Variants in EYS observed in about 807,000 individuals in gnomAD.
The protein encoded by EYS is EGF-like photoreceptor maintenance factor.
Under a neutral mutation model 282.1 loss-of-function variants are expected in EYS, and 250 were observed. The ratio of observed to expected loss-of-function variants is 0.89; its 90% CI spans 0.80 to 0.98. The LOEUF is 0.98. Ranked by LOEUF, EYS falls within the 50% of genes least tolerant of loss-of-function variation. The probability of loss-of-function intolerance (pLI) is 0.00; values close to 1 mark genes in which losing one functional copy is unlikely to be tolerated. For missense variants in EYS, 4,016 were observed against 3,709.0 expected, an observed-to-expected ratio of 1.08 and a Z score of -2.15; for synonymous variants, 1,355 against 1,282.9, an observed-to-expected ratio of 1.06 and a Z score of -1.20.
At chr6:64,125,184 C>G (rs530973053) in intron 31 of EYS, among the ~76,000 whole-genome samples, 3 of 151,966 alleles carry the variant, frequency 2.0e-5, no homozygotes, top group Non-Finnish European at 2.9e-5. Flanking sequence ...CTCGCTCTCT[C>G]TCTCTCTCAA....
intron 30 of EYS, among the ~76,000 whole-genome samples, chr6:64,260,829 T>A (rs1387577401): frequency 6.6e-6 from 1 of 152,052 alleles, no homozygotes; most frequent in African/African-American, 2.4e-5. Flanking sequence ...TTTTAATTTT[T>A]AAAAAATTTT....
chr6:64,408,655 T>G (rs1383236538), intron 28 of EYS, among the ~76,000 whole-genome samples: 1 of 152,236 alleles, frequency 6.6e-6, no homozygotes, highest in African/African-American at 2.4e-5. Flanking sequence ...AATGTATTCA[T>G]TCTCCTGTGA....
chr6:63,841,898 TG>T (rs1179767127), intron 36 of EYS, among the ~76,000 whole-genome samples: 1 of 152,250 alleles, frequency 6.6e-6, no homozygotes. Context: ...CTGAGAATGA[TG>T]GCTTCCAGCT....
chr6:65,507,396 ATT>A (rs1388103588), intron 2 of EYS, among the ~76,000 whole-genome samples: 3 of 151,814 alleles, frequency 2.0e-5, no homozygotes, highest in African/African-American at 7.3e-5. Context: ...GCCTAGAGAA[ATT>A]TTTTTGTTTT....
intron 16 of EYS, among the ~76,000 whole-genome samples, chr6:64,903,053 A>G (rs190494220): frequency 1.3e-5 from 2 of 152,246 alleles, no homozygotes; most frequent in Admixed American, 1.3e-4. Context: ...ACAGGCTGAT[A>G]AACAAGACAG....
intron 22 of EYS, among the ~76,000 whole-genome samples, chr6:64,687,204 C>T (rs1036709178): frequency 3.3e-5 from 5 of 151,784 alleles, no homozygotes; most frequent in Admixed American, 6.6e-5. Flanking sequence ...GCCAAAGTAA[C>T]TCTGATACTG....
chr6:65,033,530 T>C (rs979702286), intron 13 of EYS, among the ~76,000 whole-genome samples: 1 of 152,086 alleles, frequency 6.6e-6, no homozygotes, highest in African/African-American at 2.4e-5. Context: ...CATCTGTGGC[T>C]CAAAGGGACC....
chr6:64,857,208 A>G (rs942584676), intron 19 of EYS, among the ~76,000 whole-genome samples: 13 of 152,158 alleles, frequency 8.5e-5, no homozygotes, highest in African/African-American at 1.2e-4. Flanking sequence ...CTTTTATCTA[A>G]TACATGCACT....
chr6:64,609,341 A>T (rs1767034913), intron 24 of EYS, among the ~76,000 whole-genome samples: 1 of 152,176 alleles, frequency 6.6e-6, no homozygotes, highest in Admixed American at 6.5e-5. Context: ...GGCAGGAAGG[A>T]TTGGAGATCA....
chr6:65,688,619 A>G (rs536630198), intron 1 of EYS, among the ~76,000 whole-genome samples: 1 of 152,248 alleles, frequency 6.6e-6, no homozygotes, highest in South Asian at 2.1e-4. Context: ...TTTGCAAACT[A>G]CTCATCTGAA....
intron 12 of EYS, among the ~76,000 whole-genome samples, chr6:65,264,417 T>C (rs1430829117): frequency 6.6e-6 from 1 of 152,096 alleles, no homozygotes; most frequent in African/African-American, 2.4e-5. Context: ...TTTTTAAAAA[T>C]AGCCAGAATT....
intron 22 of EYS, among the ~76,000 whole-genome samples, chr6:64,689,672 A>G (rs943883363): frequency 2.0e-5 from 3 of 152,124 alleles, no homozygotes; most frequent in Non-Finnish European, 4.4e-5. Flanking sequence ...AAATAATACT[A>G]CACACCTAGA....
chr6:64,260,440 T>G (rs1056223510), intron 30 of EYS, among the ~76,000 whole-genome samples: 2 of 152,066 alleles, frequency 1.3e-5, no homozygotes, highest in African/African-American at 4.8e-5. Context: ...ATCAAGTAGT[T>G]CTTATACCTC....
At chr6:64,104,142 A>T (rs777942462) in intron 31 of EYS, among the ~76,000 whole-genome samples, 3 of 152,220 alleles carry the variant, frequency 2.0e-5, no homozygotes, top group Admixed American at 1.3e-4. Flanking sequence ...TGGACATAAA[A>T]GCTGAAGAGC....
intron 8 of EYS, among the ~76,000 whole-genome samples, chr6:65,362,632 A>C (rs1409370680): frequency 6.6e-6 from 1 of 151,786 alleles, no homozygotes; most frequent in Non-Finnish European, 1.5e-5. Flanking sequence ...ATGTATATGC[A>C]TGTGTATATA....
intron 22 of EYS, among the ~76,000 whole-genome samples, chr6:64,776,124 G>T (rs1401229947): frequency 1.3e-5 from 2 of 152,070 alleles, no homozygotes; most frequent in African/African-American, 2.4e-5. Flanking sequence ...AGCTGCCTGG[G>T]CTTAGAAAGA....
chr6:63,794,209 A>C (rs1023210821), intron 37 of EYS, among the ~76,000 whole-genome samples: 2 of 152,222 alleles, frequency 1.3e-5, no homozygotes, highest in African/African-American at 4.8e-5. Flanking sequence ...CCTAGCACAT[A>C]GTAGGTACTC....
chr6:64,253,631 T>G (rs192280805), intron 30 of EYS, among the ~76,000 whole-genome samples: 1 of 152,134 alleles, frequency 6.6e-6, no homozygotes, highest in Non-Finnish European at 1.5e-5. Context: ...AGGTCTGTAC[T>G]GACACCTGGC....
chr6:64,622,717 G>A (rs1179201896), intron 23 of EYS, among the ~76,000 whole-genome samples: 1 of 152,118 alleles, frequency 6.6e-6, no homozygotes, highest in African/African-American at 2.4e-5. Context: ...TGAAGAAAAT[G>A]GCAATGATTT....
Sources: allele counts gnomAD v4.1 joint callset (sites outside exome capture counted in the v4.1 genomes callset), GRCh38; gene constraint gnomAD v4.1.1; transcripts MANE v1.5; gene names NCBI Gene and HGNC (gene_info 2026-07-23, HGNC 2026-07-21).